Variants in OARD1 observed in about 807,000 individuals in gnomAD.
The protein encoded by OARD1 is O-acyl-ADP-ribose deacylase 1, also known as ADP-ribose glycohydrolase OARD1.
Under a neutral mutation model 19.7 loss-of-function variants are expected in OARD1, and 19 were observed. The ratio of observed to expected loss-of-function variants is 0.96; its 90% CI spans 0.67 to 1.41. OARD1 has a LOEUF of 1.41. OARD1 is among the 40% of genes most tolerant of loss of function. The pLI is 0.00. For synonymous variants in OARD1, 70 were observed against 61.8 expected, an observed-to-expected ratio of 1.13 and a Z score of -0.62; for missense variants, 190 against 183.8, an observed-to-expected ratio of 1.03 and a Z score of -0.20.
upstream of OARD1, among the ~76,000 whole-genome samples, chr6:41,077,014 A>G (rs1171710257): frequency 4.6e-5 from 7 of 152,220 alleles, no homozygotes. Flanking sequence ...AAATTGGTTC[A>G]TTTGTATTAC....
intron 1 of OARD1, among the ~76,000 whole-genome samples, chr6:41,092,006 G>C (rs753946238): frequency 6.6e-6 from 1 of 152,174 alleles, no homozygotes; most frequent in Non-Finnish European, 1.5e-5. Context: ...GAAGTGGAAA[G>C]TAGTATTGCC....
chr6:41,089,622 A>AG (rs757789209), intron 1 of OARD1: 7 of 1,612,574 alleles, frequency 4.3e-6, no homozygotes, highest in African/African-American at 2.7e-5. Context: ...CAGGGTGGAC[A>AG]GGCTGTGCAG....
At chr6:41,070,896 G>A (rs936403187) in intron 3 of OARD1, 3 of 606,564 alleles carry the variant, frequency 4.9e-6, no homozygotes, top group African/African-American at 1.9e-5. Context: ...TTTCAGAGAA[G>A]TACAGTAATA....
At position 41,079,234 on chromosome 6, in the gene OARD1, C is replaced by A. The variant is rs990652445; in HGVS notation, c.-41-7559G>T. The A allele has an allele frequency of 4.2e-6, 6 of 1,424,952 alleles. No homozygotes were observed. In the Admixed American group the frequency reaches 5.1e-5, roughly 12 times the overall value. 88.3% of individuals were successfully genotyped at this position (1,424,952 alleles called of 1,614,324 possible). A position where few individuals can be genotyped will look rare whatever the true frequency, so the allele number is the denominator to read the frequency against. ...TAACAGCACCACTCAATTGGTTGGT[C>A]TATTGCCCTGGGGAATTATTTGAAA... On this transcript the variant is annotated intron_variant, in intron 1 of 4. Transcript: ENST00000480585.
intron 1 of OARD1, among the ~76,000 whole-genome samples, chr6:41,086,692 C>T (rs1764054536): frequency 6.6e-6 from 1 of 151,962 alleles, no homozygotes; most frequent in Non-Finnish European, 1.5e-5. Context: ...GATTAAAATC[C>T]TTGGCCTGAG....
intron 1 of OARD1, among the ~76,000 whole-genome samples, chr6:41,086,963 A>G (rs1015603240): frequency 1.7e-4 from 26 of 152,218 alleles, no homozygotes; most frequent in African/African-American, 6.3e-4. Context: ...TTTTAAAAAC[A>G]AATTGACTAA....
At chr6:41,090,360 C>G (rs1316785175) in intron 1 of OARD1, 1 of 1,158,952 alleles carries the variant, frequency 8.6e-7, no homozygotes, top group Non-Finnish European at 1.3e-6. Context: ...ACTTTTTTGT[C>G]CCTTAGACAA....
At chr6:41,074,703 C>T (rs758105977), upstream of OARD1, among the ~76,000 whole-genome samples, 1 of 152,136 alleles carries the variant, frequency 6.6e-6, no homozygotes, top group Non-Finnish European at 1.5e-5. Context: ...GTATATCTTG[C>T]TAAGGAATAT....
intron 1 of OARD1, among the ~76,000 whole-genome samples, chr6:41,087,595 A>C (rs1457710994): frequency 1.3e-5 from 2 of 152,258 alleles, no homozygotes; most frequent in Non-Finnish European, 2.9e-5. Flanking sequence ...AAAGAAGCAA[A>C]GAGAAGGTTA....
At position 41,071,149 on chromosome 6, in the gene OARD1, T is replaced by C; in HGVS notation, c.167A>G (p.Gln56Arg). 6.2e-6 allele frequency: 10 copies of C among 1,614,250 alleles called. No individual in the cohort carries two copies. The highest frequency in any genetic ancestry group is 2.2e-5 in the East Asian group (1 of 44,892). Residue 56 changes from glutamine to arginine, a missense_variant, in exon 3 of 6, where the codon CAA (glutamine) becomes CGA (arginine). Physicochemically the swap from Gln to Arg is conservative, Grantham distance 43. Transcript: ENST00000424266. The part of the protein sequence containing the change: ...VLFKKKFGGV[Q>R]ELLNQQKKSG... ...AAACTCACGTTGATTTAAAAGTTCT[T>C]GCACCCCTCCAAATTTCTTCTTAAA...
chr6:41,086,657 A>T (rs1764053810), intron 1 of OARD1, among the ~76,000 whole-genome samples: 1 of 152,208 alleles, frequency 6.6e-6, no homozygotes, highest in East Asian at 1.9e-4. Context: ...GTCCAGTCTC[A>T]TGAAAAATTC....
chr6:41,069,157 C>T (rs1307927775), intron 4 of OARD1: 2 of 401,046 alleles, frequency 5.0e-6, no homozygotes, highest in East Asian at 4.2e-5. Flanking sequence ...GGCTGAGAAA[C>T]CCAGACTCTG....
At chr6:41,086,269 G>T (rs1764041389) in intron 1 of OARD1, among the ~76,000 whole-genome samples, 1 of 152,136 alleles carries the variant, frequency 6.6e-6, no homozygotes, top group Non-Finnish European at 1.5e-5. Flanking sequence ...TTATTTAATT[G>T]TCGGTTTGCT....
intron 2 of OARD1, 71 bp downstream of exon 2, chr6:41,071,525 A>G: frequency 2.3e-6 from 3 of 1,299,320 alleles, no homozygotes; most frequent in South Asian, 1.2e-5. Flanking sequence ...ATTTAATTAA[A>G]AAGTGTTTAT....
chr6:41,091,906 A>G (rs1764207830), intron 1 of OARD1, among the ~76,000 whole-genome samples: 1 of 152,202 alleles, frequency 6.6e-6, no homozygotes, highest in African/African-American at 2.4e-5. Context: ...ACTATTCTAG[A>G]TGCTGGAGAT....
chr6:41,071,081 T>C (rs772237160), intron 3 of OARD1, 51 bp downstream of exon 3: 1 of 1,580,060 alleles, frequency 6.3e-7, no homozygotes, highest in Admixed American at 1.7e-5. Context: ...TGTAACAGAT[T>C]AAAAGGTGCT....
At chr6:41,086,625 C>T (rs1267493562) in intron 1 of OARD1, among the ~76,000 whole-genome samples, 3 of 152,000 alleles carry the variant, frequency 2.0e-5, no homozygotes, top group South Asian at 4.1e-4. Context: ...AAAGCTTGCA[C>T]CCTCTAAGAA....
In OARD1 at chr6:41,090,432, AAAG is replaced by A. The variant is rs1764169448; in HGVS notation, c.-42+7278_-42+7280del. On this transcript the variant is annotated intron_variant, in intron 1 of 4. Transcript: ENST00000480585. ...TACATATTTTTTGGACAAAAAAAAA[AAAG>A]ATTTCCTCTAGCTCTCCATTGATTG... is the stretch of plus-strand genomic sequence containing the variant. 6 of 586,966 alleles carry A rather than the reference AAAG, an allele frequency of 1.0e-5. No individual in the cohort carries two copies. The South Asian group carries it at 1.3e-4, about 13-fold the overall frequency. The allele number at this position is 586,966 out of a possible 1,614,324, so 36.4% of individuals were successfully genotyped here. A position where few individuals can be genotyped will look rare whatever the true frequency, so the allele number is the denominator to read the frequency against.
chr6:41,094,802 G>C (rs1197065493), intron 1 of OARD1, among the ~76,000 whole-genome samples: 1 of 152,122 alleles, frequency 6.6e-6, no homozygotes, highest in African/African-American at 2.4e-5. Flanking sequence ...AGCCAGGCCT[G>C]GTGATGCATG....
Sources: allele counts gnomAD v4.1 joint callset (sites outside exome capture counted in the v4.1 genomes callset), GRCh38; gene constraint gnomAD v4.1.1; transcripts MANE v1.5; gene names NCBI Gene and HGNC (gene_info 2026-07-23, HGNC 2026-07-21).